Variants in CDKN2B-AS1 observed in about 807,000 individuals in gnomAD.
The protein encoded by CDKN2B-AS1 is CDKN2B antisense RNA 1 (non-protein coding).
chr9:22,001,834 A>C lies in CDKN2B-AS1; in HGVS notation n.29+6673A>C, dbSNP rs577363227. On this transcript the variant is annotated intron_variant and non_coding_transcript_variant, in intron 1 of 4. Coordinates refer to ENST00000650946, the Ensembl canonical transcript of CDKN2B-AS1. The surrounding 1 kb of genome is among the most constrained non-coding windows in gnomAD (Gnocchi z 4.2). ...TAGTAGAGATGTTACATGAGTTAGC[A>C]CTCATATATTGAATTAGTTAAGGAA... Among the ~76,000 whole-genome samples the C allele has an allele frequency of 2.6e-5, 4 of 152,174 alleles. 1 individual carries two copies. Among genetic ancestry groups the C allele is most frequent in the African/African-American group, 9.6e-5 (4 of 41,542 alleles).
intron 4 of CDKN2B-AS1, among the ~76,000 whole-genome samples, chr9:22,094,299 G>C (rs1825200492): frequency 7.0e-6 from 1 of 143,444 alleles, no homozygotes; most frequent in Non-Finnish European, 1.5e-5. Context: ...ATGTGTCTTG[G>C]AGTTGCTCTT....
intron 4 of CDKN2B-AS1, among the ~76,000 whole-genome samples, chr9:22,126,571 A>ATTTTTTTTTTTT (rs1818026896): frequency 3.0e-5 from 3 of 100,602 alleles, no homozygotes; most frequent in African/African-American, 8.7e-5. Context: ...GAGTAAGTGG[A>ATTTTTTTTTTTT]TTCTTTTTTT....
At chr9:22,111,179 T>C (rs904320772) in intron 4 of CDKN2B-AS1, among the ~76,000 whole-genome samples, 3 of 152,170 alleles carry the variant, frequency 2.0e-5, no homozygotes, top group African/African-American at 7.2e-5. Context: ...TGTATATGTA[T>C]GTATCTGTCT....
chr9:22,075,272 G>A (rs574003094), intron 4 of CDKN2B-AS1, among the ~76,000 whole-genome samples: 11 of 152,284 alleles, frequency 7.2e-5, no homozygotes, highest in African/African-American at 2.6e-4. Context: ...GAGTCAGGAT[G>A]TCTTTGCCTG....
intron 1 of CDKN2B-AS1, chr9:22,009,292 C>A: frequency 2.1e-6 from 1 of 469,176 alleles, no homozygotes. Flanking sequence ...TGCCCCGCCT[C>A]GCTCTGGCAG....
At chr9:22,044,628 C>T (rs1009454580) in intron 1 of CDKN2B-AS1, among the ~76,000 whole-genome samples, 1 of 151,982 alleles carries the variant, frequency 6.6e-6, no homozygotes, top group Non-Finnish European at 1.5e-5. Flanking sequence ...AAAGTCAATG[C>T]ATCCTTCTTT....
chr9:22,090,610 G>A (rs1392394366), intron 4 of CDKN2B-AS1, among the ~76,000 whole-genome samples: 1 of 152,098 alleles, frequency 6.6e-6, no homozygotes, highest in Non-Finnish European at 1.5e-5. Context: ...GTGTCTTTTG[G>A]CTGCATAAAT....
chr9:22,028,273 C>G (rs1417405279), intron 1 of CDKN2B-AS1, among the ~76,000 whole-genome samples: 1 of 152,008 alleles, frequency 6.6e-6, no homozygotes, highest in African/African-American at 2.4e-5. Context: ...AAACCACTAT[C>G]TCAATAATCA....
intron 4 of CDKN2B-AS1, among the ~76,000 whole-genome samples, chr9:22,123,068 C>T (rs1484922181): frequency 3.3e-5 from 5 of 152,114 alleles, no homozygotes; most frequent in Non-Finnish European, 7.4e-5. Flanking sequence ...AGGTCTTTCA[C>T]CTCCTTGGTT....
At chr9:22,059,507 G>A (rs1008850945) in intron 4 of CDKN2B-AS1, among the ~76,000 whole-genome samples, 1 of 152,184 alleles carries the variant, frequency 6.6e-6, no homozygotes, top group African/African-American at 2.4e-5. Context: ...TGGCTTTGCA[G>A]GGTACAGCCT....
intron 1 of CDKN2B-AS1, among the ~76,000 whole-genome samples, chr9:22,010,623 G>T (rs892591698): frequency 4.6e-5 from 7 of 152,292 alleles, no homozygotes; most frequent in African/African-American, 1.4e-4. Flanking sequence ...TGGAAGTGCT[G>T]GTTAGGGCTG....
intron 4 of CDKN2B-AS1, among the ~76,000 whole-genome samples, chr9:22,126,721 C>T (rs1021321033): frequency 8.6e-5 from 13 of 151,592 alleles, no homozygotes; most frequent in Non-Finnish European, 1.8e-4. Context: ...TACAGGCGCC[C>T]GCCACTGCAC....
chr9:22,009,178 G>C, intron 1 of CDKN2B-AS1: 1 of 651,548 alleles, frequency 1.5e-6, no homozygotes, highest in Non-Finnish European at 2.7e-6. Flanking sequence ...TCAAGAACCA[G>C]CGGGCGCGCC....
intron 4 of CDKN2B-AS1, among the ~76,000 whole-genome samples, chr9:22,125,661 T>G (rs1818006580): frequency 6.6e-6 from 1 of 152,216 alleles, no homozygotes; most frequent in Non-Finnish European, 1.5e-5. Flanking sequence ...AAAACACACT[T>G]TCTGTTTTAT....
At position 22,005,927 on chromosome 9, in the gene CDKN2B-AS1, G is replaced by A. The variant is rs1821150035; in HGVS notation, n.29+10766G>A. 1.9e-6 allele frequency: 3 copies of A among 1,584,448 alleles called. No individual in the cohort carries two copies. The highest frequency in any genetic ancestry group is 3.4e-5 in the Admixed American group (2 of 58,620). ...TGGCAGCCTTCATCGAATTAGGTGG[G>A]TGGGGGTGGGAAATTGGGTAAGAAA... On this transcript the variant is annotated intron_variant and non_coding_transcript_variant, in intron 1 of 4. Transcript: ENST00000650946. This position sits in a 1 kb window ranked among gnomAD's most constrained non-coding sequence, Gnocchi z 4.9.
chr9:22,114,438 G>C (rs1023663655), intron 4 of CDKN2B-AS1, among the ~76,000 whole-genome samples: 3 of 152,194 alleles, frequency 2.0e-5, no homozygotes. Flanking sequence ...GGAGAAAATG[G>C]AGAGGTACAT....
At chr9:22,031,356 C>T (rs1451481611) in intron 1 of CDKN2B-AS1, among the ~76,000 whole-genome samples, 1 of 152,130 alleles carries the variant, frequency 6.6e-6, no homozygotes, top group East Asian at 1.9e-4. Flanking sequence ...AAAACACTAA[C>T]ATACATTATT....
chr9:22,121,401 C>T (rs1393063952), intron 4 of CDKN2B-AS1, among the ~76,000 whole-genome samples: 1 of 151,920 alleles, frequency 6.6e-6, no homozygotes, highest in African/African-American at 2.4e-5. Flanking sequence ...TCATAGGGTA[C>T]ATAGTGGCGC....
At chr9:22,103,066 A>G (rs1251074399) in intron 4 of CDKN2B-AS1, among the ~76,000 whole-genome samples, 2 of 152,060 alleles carry the variant, frequency 1.3e-5, no homozygotes, top group Non-Finnish European at 2.9e-5. Flanking sequence ...CCAGAAAACT[A>G]GAAATCTTAC....
Sources: allele counts gnomAD v4.1 joint callset (sites outside exome capture counted in the v4.1 genomes callset), GRCh38; gene constraint gnomAD v4.1.1; non-coding constraint Gnocchi (gnomAD v3.1); transcripts MANE v1.5; gene names NCBI Gene and HGNC (gene_info 2026-07-23, HGNC 2026-07-21).